Variants in TBC1D32 observed in about 807,000 individuals in gnomAD.
The protein encoded by TBC1D32 is protein broad-minded.
TBC1D32 carries 151 observed loss-of-function variants against 170.3 expected under a neutral mutation model. That is an observed-to-expected ratio of 0.89 (90% CI 0.78 to 1.01). The LOEUF is 1.01. TBC1D32 is among the 50% of genes least tolerant of loss of function. TBC1D32 has a pLI of 0.00. For missense variants in TBC1D32, 1,464 were observed against 1,457.1 expected (o/e 1.00, Z -0.08); for synonymous variants, 498 against 488.0 (o/e 1.02, Z -0.27).
At chr6:121,292,896 G>A (rs1448592035) in intron 11 of TBC1D32, among the ~76,000 whole-genome samples, 1 of 151,800 alleles carries the variant, frequency 6.6e-6, no homozygotes, top group Non-Finnish European at 1.5e-5. Context: ...AGACTGACAA[G>A]GGCTTGTAAT....
chr6:121,241,276 T>C (rs1461921205), intron 19 of TBC1D32, among the ~76,000 whole-genome samples, 189 bp downstream of exon 19: 2 of 152,142 alleles, frequency 1.3e-5, no homozygotes, highest in African/African-American at 2.4e-5. Context: ...CACAAAACCG[T>C]ATTGGAATTT....
chr6:121,103,573 G>A (rs1334987255), intron 30 of TBC1D32, among the ~76,000 whole-genome samples: 1 of 123,224 alleles, frequency 8.1e-6, no homozygotes, highest in East Asian at 2.8e-4. Flanking sequence ...ATTACACTCT[G>A]GGGCCTGTTG....
intron 1 of TBC1D32, among the ~76,000 whole-genome samples, chr6:121,323,668 G>A (rs1810064947): frequency 6.6e-6 from 1 of 152,192 alleles, no homozygotes; most frequent in Non-Finnish European, 1.5e-5. Context: ...CTGGCCGGGT[G>A]CAGTGACTCA....
At chr6:121,183,380 AGTTT>A (rs1251155333) in intron 22 of TBC1D32, among the ~76,000 whole-genome samples, 1 of 152,138 alleles carries the variant, frequency 6.6e-6, no homozygotes, top group East Asian at 1.9e-4. Context: ...AAGACATAAC[AGTTT>A]GTTTGCTTGC....
At chr6:121,147,872 G>A (rs1035023673) in intron 24 of TBC1D32, among the ~76,000 whole-genome samples, 12 of 151,162 alleles carry the variant, frequency 7.9e-5, no homozygotes, top group South Asian at 4.2e-4. Context: ...GATTACAGGC[G>A]TGAGCCACCG....
intron 5 of TBC1D32, among the ~76,000 whole-genome samples, chr6:121,305,662 T>A (rs1807217147): frequency 1.3e-5 from 2 of 152,128 alleles, no homozygotes; most frequent in Non-Finnish European, 2.9e-5. Context: ...GGATATTAAA[T>A]ACTTTGGGAA....
At chr6:121,249,212 T>C (rs797019092) in intron 17 of TBC1D32, among the ~76,000 whole-genome samples, 3 of 151,212 alleles carry the variant, frequency 2.0e-5, no homozygotes, top group East Asian at 3.9e-4. Flanking sequence ...ATAAAATTAT[T>C]ATTATTATTA....
At position 121,080,492 on chromosome 6, in the gene TBC1D32, G is replaced by A; in HGVS notation, c.*279C>T. On this transcript the variant is annotated 3_prime_UTR_variant, in exon 32 of 32. Coordinates refer to ENST00000398212, the MANE Select transcript of TBC1D32 (RefSeq NM_152730.6). ...GACTCCCAAAGTGCTGGGATTACAGGCATGAGCCACCGCGCCTGGCCAGGA... is the reference window on the plus strand; with the variant it reads ...GACTCCCAAAGTGCTGGGATTACAGACATGAGCCACCGCGCCTGGCCAGGA... 3.7e-6 allele frequency: 1 copy of A among 273,526 alleles called. No individual in the cohort carries two copies. The highest frequency in any genetic ancestry group is 7.0e-6 in the Non-Finnish European group (1 of 142,558). 16.9% of individuals were successfully genotyped at this position (273,526 alleles called of 1,614,324 possible).
At chr6:121,188,880 G>A (rs377449181) in intron 22 of TBC1D32, among the ~76,000 whole-genome samples, 6 of 152,322 alleles carry the variant, frequency 3.9e-5, no homozygotes, top group African/African-American at 1.4e-4. Flanking sequence ...TGGGCTGGAA[G>A]TGGAAAGGAA....
At chr6:121,198,461 A>T (rs1162949933) in intron 22 of TBC1D32, among the ~76,000 whole-genome samples, 1 of 150,380 alleles carries the variant, frequency 6.6e-6, no homozygotes, top group Non-Finnish European at 1.5e-5. Flanking sequence ...TAGTCAGTAA[A>T]GAGTGACCGG....
At chr6:121,311,725 CAA>C (rs34442665) in intron 3 of TBC1D32, among the ~76,000 whole-genome samples, 3,521 of 114,480 alleles carry the variant, frequency 0.031, 112 homozygotes, top group African/African-American at 0.084. Context: ...GACTCCACCT[CAA>C]AAAAAAAAAA....
At chr6:121,326,485 T>C (rs1214089103) in intron 1 of TBC1D32, among the ~76,000 whole-genome samples, 1 of 152,220 alleles carries the variant, frequency 6.6e-6, no homozygotes, top group Non-Finnish European at 1.5e-5. Flanking sequence ...TTATTTGTCA[T>C]TTTAAAAATA....
intron 25 of TBC1D32, among the ~76,000 whole-genome samples, chr6:121,131,252 T>C (rs558249165): frequency 3.3e-5 from 5 of 152,024 alleles, no homozygotes; most frequent in African/African-American, 9.6e-5. Context: ...TCACTAAATT[T>C]ACTTCCATGA....
At chr6:121,241,626 G>T in intron 18 of TBC1D32, 74 bp from the exon 19 acceptor site, 1 of 1,204,410 alleles carries the variant, frequency 8.3e-7, no homozygotes, top group South Asian at 1.3e-5. Context: ...CCTTCAAGAT[G>T]GTAAGAACTG....
intron 20 of TBC1D32, among the ~76,000 whole-genome samples, chr6:121,232,666 T>C (rs978310346): frequency 2.0e-5 from 3 of 152,048 alleles, no homozygotes; most frequent in African/African-American, 7.2e-5. Context: ...CTAAGTATTT[T>C]ATTTATTTAT....
Position 121,106,007 on chromosome 6 carries a change from C to T in TBC1D32, c.3465+16G>A, listed in dbSNP as rs1443462116. 1 of 1,582,686 alleles carries T rather than the reference C, an allele frequency of 6.3e-7. No individual in the cohort carries two copies. Among genetic ancestry groups the T allele is most frequent in the Non-Finnish European group, 8.6e-7 (1 of 1,160,562 alleles). Reference sequence around the variant, plus strand: ...AGATAAAGGAGTTGGAGAAATGCTACTCCCTTATGGATTACCTGTGATGGT... The same window carrying T: ...AGATAAAGGAGTTGGAGAAATGCTATTCCCTTATGGATTACCTGTGATGGT... On this transcript the variant is annotated intron_variant, in intron 30 of 31. Coordinates refer to ENST00000398212, the MANE Select transcript of TBC1D32 (RefSeq NM_152730.6).
chr6:121,136,985 G>A (rs1782166881), intron 24 of TBC1D32, among the ~76,000 whole-genome samples: 1 of 151,968 alleles, frequency 6.6e-6, no homozygotes, highest in Middle Eastern at 3.2e-3. Flanking sequence ...AAAAGTATAT[G>A]CATGTGTAAA....
chr6:121,132,870 AG>A, intron 24 of TBC1D32, among the ~76,000 whole-genome samples: 1 of 152,118 alleles, frequency 6.6e-6, no homozygotes, highest in Admixed American at 6.5e-5. Flanking sequence ...TTGTTAAAAA[AG>A]ATATATGCAT....
At chr6:121,272,712 G>T (rs995277086) in intron 15 of TBC1D32, among the ~76,000 whole-genome samples, 9 of 152,136 alleles carry the variant, frequency 5.9e-5, no homozygotes, top group African/African-American at 1.9e-4. Context: ...AATTCATCAA[G>T]GATCTAGAAC....
Sources: gnomAD v4.1 joint callset for allele counts (sites outside exome capture counted in the v4.1 genomes callset) on GRCh38, gnomAD v4.1.1 for gene constraint, MANE v1.5 for transcripts, NCBI Gene and HGNC (gene_info 2026-07-23, HGNC 2026-07-21) for gene names.